Variants in SZT2 observed in about 807,000 individuals in gnomAD.
The protein encoded by SZT2 is SZT2 subunit of KICSTOR complex, also known as KICSTOR complex protein SZT2.
A neutral mutation model predicts 404.2 loss-of-function variants in SZT2; 216 were observed. The observed-to-expected ratio is 0.53, with a 90% CI of 0.48 to 0.60. SZT2 has a LOEUF of 0.60. Among genes scored for constraint, SZT2 ranks in the 20% least tolerant of loss-of-function variants. The pLI, the probability that SZT2 is intolerant of heterozygous loss-of-function variation, is 0.00. For synonymous variants in SZT2, 1,693 were observed against 1,749.9 expected, an observed-to-expected ratio of 0.97 and a Z score of 0.81; for missense variants, 3,857 against 4,459.2, an observed-to-expected ratio of 0.86 and a Z score of 3.85.
chr1:43,423,850 TA>T (rs1199677683), intron 15 of SZT2, among the ~76,000 whole-genome samples: 30 of 142,590 alleles, frequency 2.1e-4, no homozygotes, highest in Middle Eastern at 4.4e-3. Context: ...GAGGTATGAG[TA>T]GGTCAGAGGT....
rs1654609004 is a variant in SZT2 at position 43,437,701 on chromosome 1, G to A, written c.6396+1G>A. On this transcript the variant is annotated splice_donor_variant, in intron 45 of 71. Transcript: ENST00000634258. LOFTEE classifies it high-confidence loss of function. The surrounding 1 kb of genome is among the most constrained non-coding windows in gnomAD (Gnocchi z 5.3). ...GCCCATCTACTCTGAGGAAGCCTCG[G>A]CATGTATCACTCCCACTCTCTGATG... 2 of 1,613,954 alleles carry A rather than the reference G, an allele frequency of 1.2e-6. No homozygotes were observed. The highest frequency in any genetic ancestry group is 8.5e-7 in the Non-Finnish European group (1 of 1,180,024).
At chr1:43,395,860 C>T (rs987159137) in intron 1 of SZT2, among the ~76,000 whole-genome samples, 1 of 152,038 alleles carries the variant, frequency 6.6e-6, no homozygotes, top group African/African-American at 2.4e-5. Context: ...TTTTGGAGTT[C>T]GATGAGGACA....
chr1:43,441,164 C>A lies in SZT2; in HGVS notation c.7345-50C>A. 6.3e-7 allele frequency: 1 copy of A among 1,592,152 alleles called. No homozygotes were observed. The highest frequency in any genetic ancestry group is 1.1e-5 in the South Asian group (1 of 87,798). On this transcript the variant is annotated intron_variant, in intron 52 of 71. Transcript: ENST00000634258. The surrounding 1 kb of genome is among the most constrained non-coding windows in gnomAD (Gnocchi z 4.8). ...GCTGTTCCATAGTGCCCCCATCCCACACCTTTCCTCTTCCCAGTAGCCCTT... is the reference window on the plus strand; with the variant it reads ...GCTGTTCCATAGTGCCCCCATCCCAAACCTTTCCTCTTCCCAGTAGCCCTT...
At position 43,450,848 on chromosome 1, in the gene SZT2, A is replaced by T. The variant is rs1202132349; in HGVS notation, c.*368A>T. 1.4e-6 allele frequency: 1 copy of T among 710,734 alleles called. No homozygotes were observed. Among genetic ancestry groups the T allele is most frequent in the Non-Finnish European group, 2.6e-6 (1 of 383,856 alleles). 44.0% of individuals were successfully genotyped at this position (710,734 alleles called of 1,614,324 possible). The stretch of plus-strand genomic sequence containing the variant: ...GAATCCTGCCCCCTAGCCTTTGACC[A>T]CTGTCAGCCACCTGTGTCCCTTGAG... On this transcript the variant is annotated 3_prime_UTR_variant, in exon 72 of 72. Transcript: ENST00000634258. This position sits in a 1 kb window ranked among gnomAD's most constrained non-coding sequence, Gnocchi z 4.3.
intron 1 of SZT2, among the ~76,000 whole-genome samples, chr1:43,397,045 A>G (rs1399425271): frequency 6.6e-6 from 1 of 152,226 alleles, no homozygotes; most frequent in Non-Finnish European, 1.5e-5. Context: ...AGCTTGTGAG[A>G]TTAGTTTTCC....
In SZT2 at chr1:43,447,457, C is replaced by A. The variant is rs1211739507; in HGVS notation, c.9287-88C>A. 4 of 1,524,806 alleles carry A rather than the reference C, an allele frequency of 2.6e-6. No homozygotes were observed. The African/African-American group carries it at 5.5e-5, about 21-fold the overall frequency. 94.5% of individuals were successfully genotyped at this position (1,524,806 alleles called of 1,614,324 possible). ...GACCCACTCTGCCTGCCAGTCAGAG[C>A]CTTAAAGACTCCCATCCCTGTGCCC... On this transcript the variant is annotated intron_variant, in intron 66 of 71. Transcript: ENST00000634258.
Position 43,441,095 on chromosome 1 carries a change from A to T in SZT2, c.7345-119A>T. 2 of 1,291,242 alleles carry T rather than the reference A, an allele frequency of 1.5e-6. 1 individual carries two copies. Among genetic ancestry groups the T allele is most frequent in the South Asian group, 2.9e-5 (2 of 68,252 alleles). The allele number at this position is 1,291,242 out of a possible 1,614,324, so 80.0% of individuals were successfully genotyped here. On this transcript the variant is annotated intron_variant, in intron 52 of 71. Transcript: ENST00000634258. This position sits in a 1 kb window ranked among gnomAD's most constrained non-coding sequence, Gnocchi z 4.8. ...AAGGCTCCTTAGCCAGCCCCTGGGGAAGCCAGGGTCTGAACCCAGACCTCT... is the reference window on the plus strand; with the variant it reads ...AAGGCTCCTTAGCCAGCCCCTGGGGTAGCCAGGGTCTGAACCCAGACCTCT...
chr1:43,433,093 C>T lies in SZT2; in HGVS notation c.5707C>T (p.Gln1903Ter). 1 of 1,614,214 alleles carries T rather than the reference C, an allele frequency of 6.2e-7. No individual in the cohort carries two copies. Among genetic ancestry groups the T allele is most frequent in the Non-Finnish European group, 8.5e-7 (1 of 1,180,036 alleles). ...LRTPPGPAPP[Q>*]PSLSGLPGPC... ...GACTCCACCTGGGCCAGCACCTCCACAGCCTTCACTCTCAGGCCTCCCTGG... is the reference window on the plus strand; with the variant it reads ...GACTCCACCTGGGCCAGCACCTCCATAGCCTTCACTCTCAGGCCTCCCTGG... Residue 1903 changes from glutamine (Q) to a stop codon, truncating the protein, a stop_gained, in exon 40 of 72, where the codon CAG (glutamine) becomes TAG (stop). Coordinates refer to ENST00000634258, the MANE Select transcript of SZT2 (RefSeq NM_001365999.1). LOFTEE classifies it high-confidence loss of function.
Position 43,441,225 on chromosome 1 carries a change from A to G in SZT2, c.7356A>G (p.Glu2452=), listed in dbSNP as rs2027130. Residue 2452 remains glutamate (E), a synonymous_variant, in exon 53 of 72, where the codon GAA becomes GAG. Transcript: ENST00000634258. The surrounding 1 kb of genome is among the most constrained non-coding windows in gnomAD (Gnocchi z 4.8). The part of the protein sequence containing the change: ...RSFWDMLSKT[E]CGDLGSPKTT... ...TGCATTGCCCCCAGAGTAAAACAGA[A>G]TGTGGGGATTTGGGTTCCCCCAAAA... 604,945 of 1,613,758 alleles carry G rather than the reference A, an allele frequency of 0.37. 121,674 individuals are homozygous for G. Among genetic ancestry groups the G allele is most frequent in the Non-Finnish European group, 0.42 (493,327 of 1,179,770 alleles).
chr1:43,440,513 C>A lies in SZT2; in HGVS notation c.7271C>A (p.Pro2424His). ...KSSAGRASTF[P>H]PAPVPGEPVT... ...TCTGCAGGCCGAGCTAGCACCTTTCCCCCTGCCCCTGTCCCTGGGGAGCCT... is the reference window on the plus strand; with the variant it reads ...TCTGCAGGCCGAGCTAGCACCTTTCACCCTGCCCCTGTCCCTGGGGAGCCT... The change falls in exon 52 of 72, where the codon CCC becomes CAC. Residue 2424 changes from proline to histidine, a missense_variant. Physicochemically the swap from Pro to His is moderately conservative, Grantham distance 77 (BLOSUM62 -2). Around this residue, in one of 7 missense-constraint regions of SZT2, gnomAD observed 573 missense variants for 592.4 expected, o/e 0.97. Transcript: ENST00000634258. The A allele has an allele frequency of 6.2e-7, 1 of 1,609,160 alleles. No individual in the cohort carries two copies. The highest frequency in any genetic ancestry group is 8.5e-7 in the Non-Finnish European group (1 of 1,177,828).
rs1215321792 is a variant in SZT2 at position 43,442,476 on chromosome 1, T to C, written c.8009T>C (p.Leu2670Pro). 1 of 1,613,890 alleles carries C rather than the reference T, an allele frequency of 6.2e-7. No homozygotes were observed. Among genetic ancestry groups the C allele is most frequent in the Non-Finnish European group, 8.5e-7 (1 of 1,179,874 alleles). ...QLLTYNWAPDLGAALGRALVR... is the reference protein window; with the variant it reads ...QLLTYNWAPDPGAALGRALVR... ...CTGACCTACAACTGGGCTCCAGACC[T>C]GGGGGCAGCATTGGGCCGAGCGCTG... is the stretch of plus-strand genomic sequence containing the variant. The change falls in exon 58 of 72, where the codon CTG becomes CCG. Residue 2670 changes from leucine (L) to proline (P), a missense_variant. Leu to Pro is a moderately conservative substitution (Grantham distance 98). Coordinates refer to ENST00000634258, the MANE Select transcript of SZT2 (RefSeq NM_001365999.1). The surrounding 1 kb of genome is among the most constrained non-coding windows in gnomAD (Gnocchi z 4.5).
rs368838329 is a variant in SZT2 at position 43,452,287 on chromosome 1, C to T, written c.*1807C>T. ...AGCCTTGACTGCTATTCGATCAGCT[C>T]CCTGGGGTACTCGGCCAGCCATCAG... On this transcript the variant is annotated 3_prime_UTR_variant, in exon 72 of 72. Transcript: ENST00000634258. 6 of 1,613,966 alleles carry T rather than the reference C, an allele frequency of 3.7e-6. No individual in the cohort carries two copies. The highest frequency in any genetic ancestry group is 1.7e-5 in the Admixed American group (1 of 60,000).
chr1:43,407,473 G>A (rs1377057387), intron 4 of SZT2, among the ~76,000 whole-genome samples: 1 of 151,630 alleles, frequency 6.6e-6, no homozygotes, highest in African/African-American at 2.4e-5. Flanking sequence ...CCAAGATCAC[G>A]CCACTGTACT....
chr1:43,426,007 C>T lies in SZT2; in HGVS notation c.2930-31C>T, dbSNP rs957694923. 5.6e-6 allele frequency: 9 copies of T among 1,613,400 alleles called. No homozygotes were observed. The highest frequency in any genetic ancestry group is 7.6e-6 in the Non-Finnish European group (9 of 1,179,388). On this transcript the variant is annotated intron_variant, in intron 20 of 71. Transcript: ENST00000634258. The surrounding 1 kb of genome is among the most constrained non-coding windows in gnomAD (Gnocchi z 4.9). ...GGGGAGTGGGTAGGGTAATCTGCGT[C>T]TCACTGTGTCCTGTCCTTCCTCCCT... is the stretch of plus-strand genomic sequence containing the variant.
intron 64 of SZT2, 40 bp downstream of exon 64, chr1:43,446,299 C>G: frequency 6.2e-7 from 1 of 1,613,880 alleles, no homozygotes; most frequent in East Asian, 2.2e-5. Flanking sequence ...GCCAGACCCA[C>G]CTGTCTCTCG....
At position 43,437,730 on chromosome 1, in the gene SZT2, CT is replaced by C. The variant is rs1399113168; in HGVS notation, c.6396+31del. ...GTATCACTCCCACTCTCTGATGCCC[CT>C]GTGTTCCTCTTGCACTTTGCTCTCT... On this transcript the variant is annotated intron_variant, in intron 45 of 71. Coordinates refer to ENST00000634258, the MANE Select transcript of SZT2 (RefSeq NM_001365999.1). The surrounding 1 kb of genome is among the most constrained non-coding windows in gnomAD (Gnocchi z 5.3). 1 of 1,613,958 alleles carries C rather than the reference CT, an allele frequency of 6.2e-7. No homozygotes were observed. Among genetic ancestry groups the C allele is most frequent in the Non-Finnish European group, 8.5e-7 (1 of 1,179,990 alleles).
At position 43,427,197 on chromosome 1, in the gene SZT2, C is replaced by T. The variant is rs772938827; in HGVS notation, c.3433+18C>T. 2.5e-6 allele frequency: 4 copies of T among 1,613,158 alleles called. No individual in the cohort carries two copies. In the East Asian group the frequency reaches 8.9e-5, roughly 36 times the overall value. On this transcript the variant is annotated intron_variant, in intron 24 of 71. Transcript: ENST00000634258. ...CTTCTCAGGTGCCAGCTGCTGACCT[C>T]CTCACGAACCCCCTCAGATACAAAC...
chr1:43,451,888 C>T lies in SZT2; in HGVS notation c.*1408C>T. ...GGGAGGGGACCGTGAGCCTCAAGAG[C>T]ACAGGAATCAAAAGGGACAGAAGGA... is the stretch of plus-strand genomic sequence containing the variant. On this transcript the variant is annotated 3_prime_UTR_variant, in exon 72 of 72. Transcript: ENST00000634258. 6 of 1,613,898 alleles carry T rather than the reference C, an allele frequency of 3.7e-6. No individual in the cohort carries two copies. The highest frequency in any genetic ancestry group is 4.2e-6 in the Non-Finnish European group (5 of 1,179,832).
At chr1:43,414,281 A>C (rs929469335) in intron 4 of SZT2, among the ~76,000 whole-genome samples, 3 of 152,108 alleles carry the variant, frequency 2.0e-5, no homozygotes, top group Non-Finnish European at 2.9e-5. Context: ...CTGTCTCAAA[A>C]AAACAAACAA....
Sources: gnomAD v4.1 joint callset for allele counts (sites outside exome capture counted in the v4.1 genomes callset) on GRCh38, gnomAD v4.1.1 for gene constraint, gnomAD v4.1.1 regional missense constraint, Gnocchi (gnomAD v3.1) non-coding constraint, MANE v1.5 for transcripts, NCBI Gene and HGNC (gene_info 2026-07-23, HGNC 2026-07-21) for gene names.